Variants in LONRF1 observed in about 807,000 individuals in gnomAD.
LONRF1 encodes LON peptidase N-terminal domain and ring finger 1.
LONRF1 carries 37 observed loss-of-function variants against 85.8 expected under a neutral mutation model. The observed-to-expected ratio is 0.43, with a 90% CI of 0.33 to 0.57. The LOEUF (loss-of-function observed/expected upper bound fraction) is 0.57. Ranked by LOEUF, LONRF1 falls within the 20% of genes least tolerant of loss-of-function variation. The probability of loss-of-function intolerance (pLI) is 0.04; values close to 1 mark genes in which losing one functional copy is unlikely to be tolerated. For missense variants in LONRF1, 1,036 were observed against 978.0 expected (o/e 1.06, Z -0.79); for synonymous variants, 517 against 390.1 (o/e 1.33, Z -3.83).
Position 12,737,051 on chromosome 8 carries a change from C to T in LONRF1, c.1203G>A (p.Met401Ile). 1 of 1,613,668 alleles carries T rather than the reference C, an allele frequency of 6.2e-7. No homozygotes were observed. Among genetic ancestry groups the T allele is most frequent in the Non-Finnish European group, 8.5e-7 (1 of 1,179,710 alleles). Reference protein sequence around the residue: ...QSAQSINSTEMPAREDCLKRV... With the variant: ...QSAQSINSTEIPAREDCLKRV... ...TTTTTAAACAGTCCTCTCTGGCAGG[C>T]ATTTCTGTTGAATTTATAGACTGTG... is the stretch of plus-strand genomic sequence containing the variant. Residue 401 changes from methionine (M) to isoleucine (I), a missense_variant, in exon 5 of 12, where the codon ATG becomes ATA. Around this residue, in one of 3 missense-constraint regions of LONRF1, gnomAD observed 742 missense variants for 614.4 expected, o/e 1.21. Coordinates refer to ENST00000398246, the MANE Select transcript of LONRF1 (RefSeq NM_152271.5).
Position 12,736,945 on chromosome 8 carries a change from C to T in LONRF1, c.1309G>A (p.Val437Met), listed in dbSNP as rs968265954. The change falls in exon 5 of 12, where the codon GTG (valine) becomes ATG (methionine). Residue 437 changes from valine to methionine, a missense_variant. Physicochemically the swap from Val to Met is conservative, Grantham distance 21 (BLOSUM62 1). Around this residue, in one of 3 missense-constraint regions of LONRF1, gnomAD observed 742 missense variants for 614.4 expected, o/e 1.21. Transcript: ENST00000398246. The stretch of plus-strand genomic sequence containing the variant: ...TTTCTTCCATCTTCATTTACAATCA[C>T]ATCCTGTTCTAAAAGAGACAACTTT... ...KRKLSLLEQD[V>M]IVNEDGRNKL... 1.2e-6 allele frequency: 2 copies of T among 1,613,262 alleles called. No homozygotes were observed. Among genetic ancestry groups the T allele is most frequent in the African/African-American group, 2.7e-5 (2 of 74,878 alleles).
intron 2 of LONRF1, 101 bp from the exon 3 acceptor site, chr8:12,741,097 T>A (rs964823181): frequency 1.0e-5 from 14 of 1,400,270 alleles, no homozygotes; most frequent in Non-Finnish European, 1.4e-5. Flanking sequence ...GCAGTGCCGA[T>A]TCTGGGCCGG....
chr8:12,738,249 CA>C (rs1165453835), intron 3 of LONRF1, 105 bp from the exon 4 acceptor site: 2 of 786,312 alleles, frequency 2.5e-6, no homozygotes, highest in African/African-American at 1.8e-5. Context: ...TTGTAGCAGA[CA>C]TTTTTTTAAT....
intron 1 of LONRF1, among the ~76,000 whole-genome samples, chr8:12,744,848 G>C: frequency 1.3e-5 from 2 of 149,350 alleles, no homozygotes; most frequent in Non-Finnish European, 1.5e-5. Flanking sequence ...GTTCACTACT[G>C]CAACAAGCAG....
At position 12,722,039 on chromosome 8, in the gene LONRF1, C is replaced by G. The variant is rs897713221; in HGVS notation, c.*1057G>C. ...TTGCAACAAATAATTACAAAAGTTT[C>G]TAGGGCAGCATGAATATAAACCATG... On this transcript the variant is annotated 3_prime_UTR_variant, in exon 12 of 12. Transcript: ENST00000398246. 1 of 152,472 alleles carries G rather than the reference C, an allele frequency of 6.6e-6. No homozygotes were observed. The highest frequency in any genetic ancestry group is 2.4e-5 in the African/African-American group (1 of 41,400). The allele number at this position is 152,472 out of a possible 1,614,324, so 9.4% of individuals were successfully genotyped here.
intron 10 of LONRF1, among the ~76,000 whole-genome samples, chr8:12,727,683 T>A (rs117149271): frequency 1.3e-5 from 2 of 152,176 alleles, no homozygotes; most frequent in African/African-American, 4.8e-5. Flanking sequence ...AAAACTGAAA[T>A]ATGGTTATTA....
At chr8:12,739,593 G>A (rs554145660) in intron 3 of LONRF1, among the ~76,000 whole-genome samples, 11 of 152,246 alleles carry the variant, frequency 7.2e-5, no homozygotes, top group African/African-American at 2.4e-4. Flanking sequence ...TCACTGACGT[G>A]TAAAATCCAT....
intron 10 of LONRF1, among the ~76,000 whole-genome samples, chr8:12,726,748 T>G (rs891402713): frequency 2.6e-5 from 4 of 152,204 alleles, no homozygotes; most frequent in Non-Finnish European, 4.4e-5. Flanking sequence ...CCTTTCATAC[T>G]TCAAGGATGA....
At chr8:12,726,222 A>C (rs1041057147) in intron 10 of LONRF1, among the ~76,000 whole-genome samples, 5 of 152,180 alleles carry the variant, frequency 3.3e-5, no homozygotes, top group African/African-American at 1.2e-4. Flanking sequence ...TTTATGGATC[A>C]ATGGTTTTTG....
chr8:12,733,654 T>C (rs1420283933), intron 7 of LONRF1, among the ~76,000 whole-genome samples: 1 of 152,140 alleles, frequency 6.6e-6, no homozygotes, highest in African/African-American at 2.4e-5. Context: ...TTAAATGATG[T>C]TGGCAAAAGC....
At chr8:12,730,948 ATAATTT>A (rs1430092104) in intron 8 of LONRF1, among the ~76,000 whole-genome samples, 1 of 152,244 alleles carries the variant, frequency 6.6e-6, no homozygotes, top group African/African-American at 2.4e-5. Flanking sequence ...TATACAAATT[ATAATTT>A]TGTTTTTTAG....
intron 3 of LONRF1, 33 bp from the exon 4 acceptor site, chr8:12,738,177 A>T (rs756021288): frequency 7.4e-7 from 1 of 1,347,558 alleles, no homozygotes. Context: ...AGTAGAAAAT[A>T]TAAAATATTT....
intron 1 of LONRF1, among the ~76,000 whole-genome samples, chr8:12,748,800 A>C (rs1190400574): frequency 4.1e-5 from 4 of 96,796 alleles, no homozygotes; most frequent in Non-Finnish European, 6.0e-5. Flanking sequence ...GGCTAACCAG[A>C]ATATCAATTT....
intron 4 of LONRF1, chr8:12,737,356 T>C: frequency 1.4e-6 from 1 of 695,618 alleles, no homozygotes; most frequent in Non-Finnish European, 2.6e-6. Context: ...CGTGGGTTCA[T>C]CCAACTGGGG....
At chr8:12,726,375 C>A (rs1459325777) in intron 10 of LONRF1, among the ~76,000 whole-genome samples, 1 of 152,152 alleles carries the variant, frequency 6.6e-6, no homozygotes, top group African/African-American at 2.4e-5. Context: ...TGGGTCAAAA[C>A]ACAAAAACAA....
In LONRF1 at chr8:12,723,121, T is replaced by C. The variant is rs760148058; in HGVS notation, c.2297A>G (p.Tyr766Cys). The C allele has an allele frequency of 1.7e-5, 28 of 1,612,312 alleles. No homozygotes were observed. The highest frequency in any genetic ancestry group is 2.2e-5 in the South Asian group (2 of 90,752). ...TTACTTAGATTGGTCTCTAGAAAAA[T>C]AGGTCAGTATATGCTGTATCTTGGT... The part of the protein sequence containing the change: ...RLTKIQHILT[Y>C]FSRDQSK Residue 766 changes from tyrosine (Y) to cysteine (C), a missense_variant, in exon 12 of 12, where the codon TAT (tyrosine) becomes TGT (cysteine). Tyr to Cys is a radical substitution (Grantham distance 194). This residue lies in a region of LONRF1 where 265 missense variants were observed against 301.5 expected (regional missense o/e 0.88). Transcript: ENST00000398246.
intron 8 of LONRF1, among the ~76,000 whole-genome samples, chr8:12,730,942 C>T (rs1798505391): frequency 6.6e-6 from 1 of 151,788 alleles, no homozygotes; most frequent in Non-Finnish European, 1.5e-5. Context: ...ACAGCATATA[C>T]AAATTATAAT....
chr8:12,750,238 C>CT, intron 1 of LONRF1, among the ~76,000 whole-genome samples: 2 of 152,296 alleles, frequency 1.3e-5, no homozygotes, highest in Middle Eastern at 3.4e-3. Flanking sequence ...TAATTGTGAA[C>CT]TATAATCACC....
intron 2 of LONRF1, among the ~76,000 whole-genome samples, chr8:12,742,775 G>C (rs1471130242): frequency 6.6e-6 from 1 of 151,746 alleles, no homozygotes; most frequent in South Asian, 2.1e-4. Flanking sequence ...CTGACACCAA[G>C]GCTGGAATGC....
Sources: gnomAD v4.1 joint callset for allele counts (sites outside exome capture counted in the v4.1 genomes callset) on GRCh38, gnomAD v4.1.1 for gene constraint, gnomAD v4.1.1 regional missense constraint, MANE v1.5 for transcripts, NCBI Gene and HGNC (gene_info 2026-07-23, HGNC 2026-07-21) for gene names.